Variants in HYKK observed in about 807,000 individuals in gnomAD.
HYKK encodes 5-hydroxy-L-lysine kinase.
HYKK carries 19 observed loss-of-function variants against 29.7 expected under a neutral mutation model. That is an observed-to-expected ratio of 0.64 (90% CI 0.45 to 0.94). The LOEUF (loss-of-function observed/expected upper bound fraction) is 0.94, where lower values mean the gene tolerates loss of function less well. HYKK is among the 40% of genes least tolerant of loss of function. HYKK has a pLI of 0.00. For missense variants in HYKK, 390 were observed against 443.4 expected (o/e 0.88, Z 1.08); for synonymous variants, 152 against 158.1 (o/e 0.96, Z 0.29).
intron 1 of HYKK, among the ~76,000 whole-genome samples, chr15:78,508,115 C>T (rs1413958106): frequency 6.6e-6 from 1 of 152,228 alleles, no homozygotes; most frequent in African/African-American, 2.4e-5. Context: ...TTCCCCTTCA[C>T]CCACCAGGAA....
At chr15:78,531,675 G>C (rs773992432) in intron 4 of HYKK, among the ~76,000 whole-genome samples, 12 of 152,164 alleles carry the variant, frequency 7.9e-5, no homozygotes, top group Non-Finnish European at 1.6e-4. Flanking sequence ...GGGACTACAG[G>C]TGCCCACCAC....
intron 3 of HYKK, chr15:78,518,453 G>A (rs2141356917): frequency 2.8e-6 from 1 of 361,060 alleles, no homozygotes; most frequent in East Asian, 8.9e-5. Flanking sequence ...GGGATTATAG[G>A]TGTGAGCCAC....
intron 3 of HYKK, among the ~76,000 whole-genome samples, chr15:78,521,151 G>T (rs1443788637): frequency 6.6e-6 from 1 of 152,212 alleles, no homozygotes; most frequent in East Asian, 1.9e-4. Flanking sequence ...GCTTCCAGCA[G>T]TTGGTCAGGT....
At chr15:78,522,647 T>C (rs1247805657) in intron 3 of HYKK, among the ~76,000 whole-genome samples, 1 of 145,240 alleles carries the variant, frequency 6.9e-6, no homozygotes, top group Non-Finnish European at 1.5e-5. Context: ...GAGGCTGAGG[T>C]AGGTGAATCA....
chr15:78,527,719 C>T, intron 4 of HYKK, 156 bp downstream of exon 4: 1 of 1,392,728 alleles, frequency 7.2e-7, no homozygotes, highest in South Asian at 1.6e-5. Flanking sequence ...TTTTACTTTC[C>T]TCAAAATTGC....
intron 3 of HYKK, among the ~76,000 whole-genome samples, chr15:78,521,132 G>C (rs528092224): frequency 1.3e-5 from 2 of 152,316 alleles, no homozygotes; most frequent in South Asian, 4.1e-4. Context: ...ACATGGTTGG[G>C]CCATTGAAGC....
intron 3 of HYKK, among the ~76,000 whole-genome samples, chr15:78,525,951 C>CA (rs1372767950): frequency 1.3e-5 from 2 of 152,150 alleles, no homozygotes; most frequent in African/African-American, 4.8e-5. Flanking sequence ...AGTTTGAAAT[C>CA]AACTTCACTG....
rs751736591 is a variant in HYKK, at chr15:78,533,611, G to A, written c.1063G>A (p.Ala355Thr). ...GCAAATGTTTGACATGGGTCAGAAA[G>A]CTGTAGAAGAAATCTGGTTTGAAAC... ...LQQMFDMGQKAVEEIWFETAK... is the reference protein window; with the variant it reads ...LQQMFDMGQKTVEEIWFETAK... Residue 355 changes from alanine to threonine, a missense_variant, in exon 5 of 5, where the codon GCT (alanine) becomes ACT (threonine). Transcript: ENST00000388988. 8 of 1,614,228 alleles carry A rather than the reference G, an allele frequency of 5.0e-6. No homozygotes were observed. The highest frequency in any genetic ancestry group is 6.8e-6 in the Non-Finnish European group (8 of 1,180,036).
intron 2 of HYKK, among the ~76,000 whole-genome samples, chr15:78,513,955 C>A (rs117034501): frequency 0.024 from 3,580 of 152,102 alleles, 59 homozygotes; most frequent in Non-Finnish European, 0.038. Flanking sequence ...CCACGCCCAG[C>A]TAATTTTGTA....
chr15:78,514,908 C>CTCTCTATATATATATA lies in HYKK; in HGVS notation c.338-59_338-58insCTCTATATATATATAT, dbSNP rs766004199. On this transcript the variant is annotated intron_variant, in intron 2 of 4. Transcript: ENST00000388988. ...TAAATACCTCTCTCTCTCTCTCTCTCTATATATATATATATATATAAATAA... is the reference window on the plus strand; with the variant it reads ...TAAATACCTCTCTCTCTCTCTCTCTCTCTCTATATATATATATATATATATATATATATATAAATAA... 21 of 385,494 alleles carry CTCTCTATATATATATA rather than the reference C, an allele frequency of 5.4e-5. No individual in the cohort carries two copies. In the East Asian group the frequency reaches 1.2e-3, roughly 22 times the overall value. 23.9% of individuals were successfully genotyped at this position (385,494 alleles called of 1,614,324 possible).
chr15:78,519,413 T>G (rs895663494), intron 3 of HYKK, among the ~76,000 whole-genome samples: 1 of 152,242 alleles, frequency 6.6e-6, no homozygotes, highest in African/African-American at 2.4e-5. Context: ...AAATAGCCCT[T>G]TCTAATTAAT....
intron 3 of HYKK, among the ~76,000 whole-genome samples, chr15:78,516,222 A>C (rs912725405): frequency 2.0e-5 from 3 of 152,194 alleles, no homozygotes; most frequent in African/African-American, 7.2e-5. Context: ...TATTTAAAAA[A>C]AATCACAGGA....
Position 78,533,392 on chromosome 15 carries a change from C to G in HYKK, c.844C>G (p.Gln282Glu). ...GATGATTGAGAGCAAGAGTCCTATACAAGTAGGAGGCCATGTCCTTGCAGG... is the reference window on the plus strand; with the variant it reads ...GATGATTGAGAGCAAGAGTCCTATAGAAGTAGGAGGCCATGTCCTTGCAGG... ...YMMIESKSPI[Q>E]VGGHVLAGFE... Residue 282 changes from glutamine (Q) to glutamate (E), a missense_variant, in exon 5 of 5, where the codon CAA becomes GAA. Gln to Glu is a conservative substitution (Grantham distance 29). Coordinates refer to ENST00000388988, the MANE Select transcript of HYKK (RefSeq NM_001013619.4). 6.2e-7 allele frequency: 1 copy of G among 1,614,158 alleles called. No individual in the cohort carries two copies. Among genetic ancestry groups the G allele is most frequent in the Non-Finnish European group, 8.5e-7 (1 of 1,180,014 alleles).
At chr15:78,511,123 T>C (rs935646823) in intron 1 of HYKK, among the ~76,000 whole-genome samples, 3 of 152,004 alleles carry the variant, frequency 2.0e-5, no homozygotes, top group Admixed American at 6.6e-5. Flanking sequence ...AAGATTATTT[T>C]TATATAGTAC....
chr15:78,525,747 C>T (rs1015315645), intron 3 of HYKK, among the ~76,000 whole-genome samples: 3 of 152,210 alleles, frequency 2.0e-5, no homozygotes, highest in Admixed American at 6.5e-5. Flanking sequence ...GATCCACCCA[C>T]GTTGGCCTCC....
At chr15:78,511,591 T>A (rs1402215364) in intron 1 of HYKK, among the ~76,000 whole-genome samples, 1 of 152,042 alleles carries the variant, frequency 6.6e-6, no homozygotes, top group East Asian at 1.9e-4. Context: ...TAGCCTGATA[T>A]GGTGGCTTCT....
intron 3 of HYKK, among the ~76,000 whole-genome samples, chr15:78,523,541 G>A (rs2052219540): frequency 6.6e-6 from 1 of 152,126 alleles, no homozygotes; most frequent in Non-Finnish European, 1.5e-5. Context: ...CCTCCCAAAT[G>A]TCATGTCCTT....
intron 2 of HYKK, among the ~76,000 whole-genome samples, chr15:78,514,478 C>T (rs1029180342): frequency 2.0e-5 from 3 of 152,160 alleles, no homozygotes; most frequent in Admixed American, 1.3e-4. Flanking sequence ...GCTCCAAATA[C>T]GTGAGGCCCA....
At chr15:78,526,553 AG>A (rs2052256927) in intron 3 of HYKK, among the ~76,000 whole-genome samples, 1 of 152,212 alleles carries the variant, frequency 6.6e-6, no homozygotes, top group Non-Finnish European at 1.5e-5. Context: ...AAACAGCAAA[AG>A]CAAAAGGCTG....
Sources: allele counts gnomAD v4.1 joint callset (sites outside exome capture counted in the v4.1 genomes callset), GRCh38; gene constraint gnomAD v4.1.1; transcripts MANE v1.5; gene names NCBI Gene and HGNC (gene_info 2026-07-23, HGNC 2026-07-21).